The following LRIF1 variants were observed in gnomAD, a reference collection of about 807,000 sequenced individuals.
The protein encoded by LRIF1 is ligand dependent nuclear receptor interacting factor 1.
In LRIF1, 32 loss-of-function variants were observed where a neutral mutation model predicts 52.7. The ratio of observed to expected loss-of-function variants is 0.61; its 90% CI spans 0.46 to 0.82. The LOEUF (loss-of-function observed/expected upper bound fraction) is 0.82, where lower values mean the gene tolerates loss of function less well. Ranked by LOEUF, LRIF1 falls within the 40% of genes least tolerant of loss-of-function variation. The pLI, the probability that LRIF1 is intolerant of heterozygous loss-of-function variation, is 0.00. For missense variants in LRIF1, 887 were observed against 892.0 expected (o/e 0.99, Z 0.07); for synonymous variants, 323 against 317.4 (o/e 1.02, Z -0.19).
the LRIF1 span, among the ~76,000 whole-genome samples, chr1:110,914,580 C>T: frequency 3.9e-5 from 6 of 151,966 alleles, no homozygotes; most frequent in African/African-American, 1.5e-4. Context: ...GTGGTGAAAC[C>T]CCGTCTCTAC....
intron 1 of LRIF1, among the ~76,000 whole-genome samples, chr1:110,956,000 T>A (rs1041155499): frequency 6.6e-6 from 1 of 152,110 alleles, no homozygotes; most frequent in African/African-American, 2.4e-5. Flanking sequence ...GGAGGAGAGA[T>A]TATGTGCATT....
Position 110,951,944 on chromosome 1 carries a change from C to T in LRIF1, c.940G>A (p.Ala314Thr). 1.9e-6 allele frequency: 3 copies of T among 1,613,926 alleles called. No homozygotes were observed. Among genetic ancestry groups the T allele is most frequent in the Non-Finnish European group, 2.5e-6 (3 of 1,179,968 alleles). ...ACAAAAGTTTTTAAAATCTTTGAAG[C>T]CACATTATTTGAAGACTTAACAGGA... ...LVPVKSSNNV[A>T]SKILKTFVDR... The change falls in exon 2 of 4, where the codon GCT (alanine) becomes ACT (threonine). Residue 314 changes from alanine (A) to threonine (T), a missense_variant. Coordinates refer to ENST00000369763, the MANE Select transcript of LRIF1 (RefSeq NM_018372.4).
downstream of LRIF1, chr1:110,943,685 T>C (rs1261835709): frequency 6.6e-6 from 1 of 152,204 alleles, no homozygotes; most frequent in Middle Eastern, 3.2e-3. Flanking sequence ...CTTCTAGATG[T>C]CTGGATATCT....
the LRIF1 span, among the ~76,000 whole-genome samples, chr1:110,898,100 G>A: frequency 1.3e-5 from 2 of 152,086 alleles, no homozygotes; most frequent in Non-Finnish European, 2.9e-5. Flanking sequence ...TCTCTTGGCC[G>A]GGCGTGGTGG....
the LRIF1 span, among the ~76,000 whole-genome samples, chr1:110,913,309 C>G: frequency 6.6e-6 from 1 of 152,142 alleles, no homozygotes; most frequent in South Asian, 2.1e-4. Context: ...GAAACAAAAC[C>G]AAAAATAGAC....
At chr1:110,960,968 C>T (rs1401064460) in intron 1 of LRIF1, among the ~76,000 whole-genome samples, 1 of 152,204 alleles carries the variant, frequency 6.6e-6, no homozygotes, top group Non-Finnish European at 1.5e-5. Context: ...GAAGTCTAAT[C>T]TCCTTAGCAG....
chr1:110,952,971 G>C, intron 1 of LRIF1, 156 bp from the exon 2 acceptor site: 1 of 324,874 alleles, frequency 3.1e-6, no homozygotes, highest in Non-Finnish European at 5.2e-6. Flanking sequence ...CAAATATTTT[G>C]AAGTAGAAGA....
At chr1:110,940,800 ATAG>A in the LRIF1 span, 2 of 152,138 alleles carry the variant, frequency 1.3e-5, no homozygotes, top group South Asian at 4.1e-4. Flanking sequence ...ACTCATGGAG[ATAG>A]TAGGATAGTT....
the LRIF1 span, chr1:110,936,687 A>C: frequency 1.5e-4 from 23 of 152,118 alleles, no homozygotes; most frequent in Admixed American, 1.5e-3. Flanking sequence ...AGAAAGAAGG[A>C]GGAGAAGACC....
chr1:110,875,815 T>C, the LRIF1 span, among the ~76,000 whole-genome samples: 3 of 152,148 alleles, frequency 2.0e-5, no homozygotes, highest in African/African-American at 7.2e-5. Flanking sequence ...GAGAAGGCTG[T>C]CTGGAGGTAG....
rs1465328572 is a variant in LRIF1, at chr1:110,948,114, A to C, written c.2155T>G (p.Phe719Val). The C allele has an allele frequency of 6.2e-7, 1 of 1,614,102 alleles. No homozygotes were observed. The highest frequency in any genetic ancestry group is 8.5e-7 in the Non-Finnish European group (1 of 1,179,996). Residue 719 changes from phenylalanine (F) to valine (V), a missense_variant, in exon 4 of 4, where the codon TTC (phenylalanine) becomes GTC (valine). Physicochemically the swap from Phe to Val is conservative, Grantham distance 50. Coordinates refer to ENST00000369763, the MANE Select transcript of LRIF1 (RefSeq NM_018372.4). ...TCTTCGGTATAATTTTTATTGAAGA[A>C]ATGACTTTGTTCATAAGCTGCATTT... ...NSNAAYEQSH[F>V]FNKNYTEDIF... is the part of the protein sequence containing the mutation.
At chr1:110,929,204 T>A in the LRIF1 span, among the ~76,000 whole-genome samples, 8,789 of 152,318 alleles carry the variant, frequency 0.058, 296 homozygotes, top group East Asian at 0.14. Context: ...CTTGCTATTG[T>A]GAATAGTGCT....
the LRIF1 span, among the ~76,000 whole-genome samples, chr1:110,894,714 C>T: frequency 1.3e-5 from 2 of 152,138 alleles, no homozygotes; most frequent in African/African-American, 2.4e-5. Context: ...TTTAATTGCT[C>T]CTTTTCCTCC....
chr1:110,951,822 A>G lies in LRIF1; in HGVS notation c.1062T>C (p.Asp354=), dbSNP rs1570941760. The part of the protein sequence containing the change: ...GTRSKNMPIK[D]NALVMFNGKV... ...TCCCATTAAACATAACCAAAGCATT[A>G]TCTTTAATAGGCATATTTTTGGATC... The change falls in exon 2 of 4, where the codon GAT becomes GAC. Residue 354 remains aspartate, a synonymous_variant. Coordinates refer to ENST00000369763, the MANE Select transcript of LRIF1 (RefSeq NM_018372.4). 1 of 1,612,806 alleles carries G rather than the reference A, an allele frequency of 6.2e-7. No individual in the cohort carries two copies. The highest frequency in any genetic ancestry group is 1.7e-5 in the Admixed American group (1 of 60,026).
Position 110,948,437 on chromosome 1 carries a change from T to C in LRIF1, c.1870-38A>G, listed in dbSNP as rs1232113103. On this transcript the variant is annotated intron_variant, in intron 3 of 3. Coordinates refer to ENST00000369763, the MANE Select transcript of LRIF1 (RefSeq NM_018372.4). ...ATAACATTCCAAAACAAAAACGAAA[T>C]GTTACTGCTAAATGCACCGGGTACT... 1.9e-6 allele frequency: 3 copies of C among 1,568,456 alleles called. No homozygotes were observed. The Admixed American group carries it at 5.6e-5, about 29-fold the overall frequency.
chr1:110,899,554 C>T, the LRIF1 span: 773 of 206,418 alleles, frequency 3.7e-3, 15 homozygotes, highest in African/African-American at 0.017. Flanking sequence ...AGTCTCCAGC[C>T]TCTAAATAAT....
At chr1:110,901,334 C>T in the LRIF1 span, among the ~76,000 whole-genome samples, 17 of 151,774 alleles carry the variant, frequency 1.1e-4, no homozygotes, top group African/African-American at 2.2e-4. Flanking sequence ...CACGCCACCA[C>T]GCCTGGCTAA....
rs780693932 is a variant in LRIF1, at chr1:110,952,704, T to C, written c.180A>G (p.Gln60=). ...TCAAAGCATCAGACATGACTGAAGA[T>C]TGAACTAGTGGTATAAGATTTCCAG... is the stretch of plus-strand genomic sequence containing the variant. ...KSSGNLIPLV[Q]SSVMSDALKG... is the part of the protein sequence containing the mutation. The change falls in exon 2 of 4, where the codon CAA becomes CAG. Residue 60 remains glutamine (Q), a synonymous_variant. Transcript: ENST00000369763. The C allele has an allele frequency of 7.4e-6, 12 of 1,613,930 alleles. No homozygotes were observed. In the African/African-American group the frequency reaches 9.3e-5, roughly 13 times the overall value.
chr1:110,930,185 G>C, the LRIF1 span, among the ~76,000 whole-genome samples: 1 of 152,066 alleles, frequency 6.6e-6, no homozygotes, highest in Non-Finnish European at 1.5e-5. Context: ...GTCGGCAACA[G>C]TTCTTCAATT....
Sources: gnomAD v4.1 joint callset for allele counts (sites outside exome capture counted in the v4.1 genomes callset) on GRCh38, gnomAD v4.1.1 for gene constraint, MANE v1.5 for transcripts, NCBI Gene and HGNC (gene_info 2026-07-23, HGNC 2026-07-21) for gene names.